Variants in GREB1 observed in about 807,000 individuals in gnomAD.
The protein encoded by GREB1 is growth regulating estrogen receptor binding 1.
A neutral mutation model predicts 200.7 loss-of-function variants in GREB1; 106 were observed. That is an observed-to-expected ratio of 0.53 (90% CI 0.45 to 0.62). The LOEUF is 0.62. GREB1 is among the 20% of genes least tolerant of loss of function. The probability of loss-of-function intolerance (pLI) is 0.00; values close to 1 mark genes in which losing one functional copy is unlikely to be tolerated. For synonymous variants in GREB1, 1,132 were observed against 1,092.4 expected (o/e 1.04, Z -0.72); for missense variants, 2,243 against 2,556.8 (o/e 0.88, Z 2.65).
chr2:11,624,437 T>C (rs1684270086), intron 23 of GREB1, among the ~76,000 whole-genome samples: 1 of 149,618 alleles, frequency 6.7e-6, no homozygotes, highest in South Asian at 2.1e-4. Context: ...CTCCGCCTCC[T>C]GGGTTCAAGT....
At chr2:11,587,295 C>G in intron 9 of GREB1, 1 of 994,996 alleles carries the variant, frequency 1.0e-6, no homozygotes, top group Middle Eastern at 2.1e-4. Context: ...CTCTGCCCCC[C>G]TTGTCACTTC....
rs1685127498 is a variant in GREB1 at position 11,634,270 on chromosome 2, C to T, written c.5131C>T (p.Pro1711Ser). 4 of 1,614,094 alleles carry T rather than the reference C, an allele frequency of 2.5e-6. No homozygotes were observed. Among genetic ancestry groups the T allele is most frequent in the Non-Finnish European group, 3.4e-6 (4 of 1,180,048 alleles). The stretch of plus-strand genomic sequence containing the variant: ...GACCCGGGCCAGCGAGGTGCAAGAG[C>T]CCTTCTCCCGCTGCCACGTGCACAA... ...SKTRASEVQEPFSRCHVHNFI... is the reference protein window; with the variant it reads ...SKTRASEVQESFSRCHVHNFI... The change falls in exon 29 of 33, where the codon CCC becomes TCC. Residue 1711 changes from proline (P) to serine (S), a missense_variant. Coordinates refer to ENST00000381486, the MANE Select transcript of GREB1 (RefSeq NM_014668.4).
chr2:11,496,647 T>C (rs1672898671), intron 1 of GREB1, among the ~76,000 whole-genome samples: 1 of 152,174 alleles, frequency 6.6e-6, no homozygotes, highest in Non-Finnish European at 1.5e-5. Context: ...ATCTATAGTA[T>C]TTATTAAATT....
chr2:11,592,504 T>C (rs1485141331), intron 10 of GREB1, among the ~76,000 whole-genome samples: 1 of 152,068 alleles, frequency 6.6e-6, no homozygotes. Context: ...GGATGCTTAA[T>C]CTTAAAAATA....
intron 1 of GREB1, among the ~76,000 whole-genome samples, chr2:11,539,130 G>A (rs976500524): frequency 3.3e-5 from 5 of 150,130 alleles, no homozygotes; most frequent in African/African-American, 1.0e-4. Context: ...ACAGCTCACT[G>A]CACCCTCTGC....
In GREB1 at chr2:11,556,534, C is replaced by A; in HGVS notation, c.-81C>A. The A allele has an allele frequency of 8.4e-7, 1 of 1,189,074 alleles. No individual in the cohort carries two copies. The highest frequency in any genetic ancestry group is 2.0e-5 in the Admixed American group (1 of 48,860). The allele number at this position is 1,189,074 out of a possible 1,614,324, so 73.7% of individuals were successfully genotyped here. Reference sequence around the variant, plus strand: ...CGGCCCTTCCTCCTTGCAGCTGTTTCACCTTCTACCTTGCGTGGAGCCAGG... The same window carrying A: ...CGGCCCTTCCTCCTTGCAGCTGTTTAACCTTCTACCTTGCGTGGAGCCAGG... On this transcript the variant is annotated 5_prime_UTR_variant, in exon 2 of 33. Coordinates refer to ENST00000381486, the MANE Select transcript of GREB1 (RefSeq NM_014668.4).
At chr2:11,545,595 G>A (rs544518677) in intron 1 of GREB1, among the ~76,000 whole-genome samples, 208 of 152,294 alleles carry the variant, frequency 1.4e-3, no homozygotes, top group Non-Finnish European at 2.4e-3. Context: ...AAGGAAAAGG[G>A]ATTAATCTTT....
intron 1 of GREB1, among the ~76,000 whole-genome samples, chr2:11,511,705 G>T (rs554180416): frequency 5.9e-5 from 9 of 152,262 alleles, no homozygotes; most frequent in African/African-American, 2.2e-4. Context: ...TGAGCTTAGG[G>T]GAATGGGGTT....
chr2:11,612,745 G>A, intron 19 of GREB1, 135 bp downstream of exon 19: 4 of 598,370 alleles, frequency 6.7e-6, no homozygotes, highest in South Asian at 6.0e-5. Flanking sequence ...CGTGGGTGGG[G>A]CCTTCATCGT....
At chr2:11,552,354 AAG>A (rs1290096370) in intron 1 of GREB1, among the ~76,000 whole-genome samples, 4 of 152,218 alleles carry the variant, frequency 2.6e-5, no homozygotes, top group African/African-American at 9.6e-5. Flanking sequence ...GGATCTAGCA[AAG>A]AGACCACGGA....
Position 11,597,929 on chromosome 2 carries a change from C to T in GREB1, c.2103C>T (p.Pro701=). Residue 701 remains proline, a synonymous_variant, in exon 14 of 33, where the codon CCC becomes CCT. Coordinates refer to ENST00000381486, the MANE Select transcript of GREB1 (RefSeq NM_014668.4). The surrounding 1 kb of genome is among the most constrained non-coding windows in gnomAD (Gnocchi z 4.1). ...AGGTGGACTTTCTCATTTGCATTCCCCCCTCAGAAGTGACCTACCAGCAGA... is the reference window on the plus strand; with the variant it reads ...AGGTGGACTTTCTCATTTGCATTCCTCCCTCAGAAGTGACCTACCAGCAGA... The part of the protein sequence containing the change: ...FEKVDFLICI[P]PSEVTYQQTL... 6.2e-7 allele frequency: 1 copy of T among 1,614,186 alleles called. No homozygotes were observed. Among genetic ancestry groups the T allele is most frequent in the Non-Finnish European group, 8.5e-7 (1 of 1,180,002 alleles).
At chr2:11,585,395 T>C in intron 8 of GREB1, 121 bp downstream of exon 8, 1 of 643,138 alleles carries the variant, frequency 1.6e-6, no homozygotes, top group Non-Finnish European at 2.7e-6. Context: ...TGTGTACTGA[T>C]GAGGGAGTTC....
chr2:11,589,170 A>G (rs941143941), intron 10 of GREB1, among the ~76,000 whole-genome samples: 7 of 152,220 alleles, frequency 4.6e-5, no homozygotes, highest in African/African-American at 1.7e-4. Context: ...CATTCTAGGC[A>G]CAGGGATACA....
At chr2:11,586,764 C>A (rs35544243) in intron 9 of GREB1, among the ~76,000 whole-genome samples, 9,107 of 152,178 alleles carry the variant, frequency 0.06, 874 homozygotes, top group African/African-American at 0.21. Context: ...TTTCCTAAAA[C>A]ACAAAAACTG....
chr2:11,592,915 C>T lies in GREB1; in HGVS notation c.1485C>T (p.Pro495=), dbSNP rs757307478. The T allele has an allele frequency of 5.0e-6, 8 of 1,586,682 alleles. No individual in the cohort carries two copies. Among genetic ancestry groups the T allele is most frequent in the Middle Eastern group, 1.7e-4 (1 of 6,040 alleles). The change falls in exon 11 of 33, where the codon CCC becomes CCT. Residue 495 remains proline (P), a synonymous_variant. Coordinates refer to ENST00000381486, the MANE Select transcript of GREB1 (RefSeq NM_014668.4). ...CGCCCGCGCCCAGCGCCGCGGCACCCGTGACCTCCGCGCAGCTGCCCTGGC... is the reference window on the plus strand; with the variant it reads ...CGCCCGCGCCCAGCGCCGCGGCACCTGTGACCTCCGCGCAGCTGCCCTGGC... The part of the protein sequence containing the change: ...PFPPAPSAAA[P]VTSAQLPWLA...
chr2:11,501,437 T>A (rs1031035488), intron 1 of GREB1, among the ~76,000 whole-genome samples: 1 of 152,094 alleles, frequency 6.6e-6, no homozygotes, highest in Non-Finnish European at 1.5e-5. Context: ...TCTGTTGCCC[T>A]GGCTGGAGTG....
intron 1 of GREB1, among the ~76,000 whole-genome samples, chr2:11,510,346 A>C (rs1308022323): frequency 6.6e-6 from 1 of 152,196 alleles, no homozygotes; most frequent in African/African-American, 2.4e-5. Flanking sequence ...TATCAGCCTG[A>C]TCTATCCATC....
intron 1 of GREB1, among the ~76,000 whole-genome samples, chr2:11,506,776 G>C (rs1438703923): frequency 2.0e-5 from 3 of 152,150 alleles, no homozygotes; most frequent in Non-Finnish European, 2.9e-5. Context: ...GTGGAACCCT[G>C]AGCTCTGGAC....
chr2:11,493,323 G>A lies in GREB1; in HGVS notation c.-159+10942G>A, dbSNP rs551215651. 6.6e-6 allele frequency among the ~76,000 whole-genome samples: 1 copy of A among 152,298 alleles called. No homozygotes were observed. The highest frequency in any genetic ancestry group is 1.9e-4 in the East Asian group (1 of 5,182). The stretch of plus-strand genomic sequence containing the variant: ...CCACAGACAGGGTGTGGGGGAGGGT[G>A]AAACTATTCCACCTCAGATCATCAG... On this transcript the variant is annotated intron_variant, in intron 1 of 2. Coordinates refer to the GREB1 transcript ENST00000628795. This position sits in a 1 kb window ranked among gnomAD's most constrained non-coding sequence, Gnocchi z 4.6.
Sources: allele counts gnomAD v4.1 joint callset (sites outside exome capture counted in the v4.1 genomes callset), GRCh38; gene constraint gnomAD v4.1.1; non-coding constraint Gnocchi (gnomAD v3.1); transcripts MANE v1.5; gene names NCBI Gene and HGNC (gene_info 2026-07-23, HGNC 2026-07-21).